The following DACH1 variants were observed in gnomAD, a reference collection of about 807,000 sequenced individuals.
DACH1 encodes the protein dachshund homolog 1.
A neutral mutation model predicts 54.2 loss-of-function variants in DACH1; 12 were observed. The observed-to-expected ratio is 0.22, with a 90% CI of 0.14 to 0.36. DACH1 has a LOEUF of 0.36. Among genes scored for constraint, DACH1 ranks in the 10% least tolerant of loss-of-function variants. The pLI is 1.00. For missense variants in DACH1, 805 were observed against 929.8 expected, an observed-to-expected ratio of 0.87 and a Z score of 1.75; for synonymous variants, 386 against 366.2, an observed-to-expected ratio of 1.05 and a Z score of -0.62.
intron 1 of DACH1, among the ~76,000 whole-genome samples, chr13:71,733,374 G>C (rs77483161): frequency 0.039 from 5,984 of 152,076 alleles, 281 homozygotes; most frequent in African/African-American, 0.11. Context: ...TAGAGATAAG[G>C]TCTCACTCTA....
chr13:71,779,954 A>G (rs1338026657), intron 1 of DACH1, among the ~76,000 whole-genome samples: 2 of 152,120 alleles, frequency 1.3e-5, no homozygotes, highest in African/African-American at 2.4e-5. Context: ...CCTCTTCTCT[A>G]TATTAGTGCC....
Position 71,866,669 on chromosome 13 carries a change from G to T in DACH1, c.101C>A (p.Ser34Tyr), listed in dbSNP as rs1188348886. 3 of 1,440,540 alleles carry T rather than the reference G, an allele frequency of 2.1e-6. No homozygotes were observed. The highest frequency in any genetic ancestry group is 2.8e-6 in the Non-Finnish European group (3 of 1,089,152). The allele number at this position is 1,440,540 out of a possible 1,614,324, so 89.2% of individuals were successfully genotyped here. Residue 34 changes from serine to tyrosine, a missense_variant, in exon 1 of 11, where the codon TCT becomes TAT. This residue lies in a region of DACH1 where 305 missense variants were observed against 308.7 expected (regional missense o/e 0.99). Coordinates refer to ENST00000613252, the MANE Select transcript of DACH1 (RefSeq NM_080759.6). Reference sequence around the variant, plus strand: ...AGGAGCCGGAGACGAAGTCGCCGAAGAGGTGGAGGTGGTGGTGCCAGAGGA... The same window carrying T: ...AGGAGCCGGAGACGAAGTCGCCGAATAGGTGGAGGTGGTGGTGCCAGAGGA... ...ASSSGTTTSTSSATSSPAPSI... is the reference protein window; with the variant it reads ...ASSSGTTTSTYSATSSPAPSI...
chr13:71,786,998 G>C (rs79736095), intron 1 of DACH1, among the ~76,000 whole-genome samples: 2 of 152,268 alleles, frequency 1.3e-5, no homozygotes, highest in East Asian at 3.9e-4. Flanking sequence ...GTGAGAGAGA[G>C]AAAATGCAAT....
chr13:71,502,172 C>T (rs1282983375), intron 6 of DACH1, among the ~76,000 whole-genome samples: 1 of 152,102 alleles, frequency 6.6e-6, no homozygotes, highest in African/African-American at 2.4e-5. Flanking sequence ...CACTCCTCCG[C>T]CTTAGGACTT....
Position 71,446,144 on chromosome 13 carries a change from C to G in DACH1, c.2084-5452G>C, listed in dbSNP as rs149092708. Among the ~76,000 whole-genome samples the G allele has an allele frequency of 5.4e-4, 82 of 152,280 alleles. 1 individual carries two copies. The highest frequency in any genetic ancestry group is 9.0e-4 in the Non-Finnish European group (61 of 68,028). On this transcript the variant is annotated intron_variant, in intron 10 of 10. Transcript: ENST00000613252. The stretch of plus-strand genomic sequence containing the variant: ...TCGGAGGTGTGCTGTTTACATCTGA[C>G]AACTCAGAGGGTTGATTCATACATT...
intron 1 of DACH1, among the ~76,000 whole-genome samples, chr13:71,726,694 C>T (rs963524328): frequency 2.0e-5 from 3 of 151,844 alleles, no homozygotes; most frequent in African/African-American, 4.8e-5. Context: ...ATCATCTTAT[C>T]TCATTAAGTA....
At chr13:71,703,755 CAAGTT>C (rs1313081145) in intron 1 of DACH1, among the ~76,000 whole-genome samples, 1 of 152,126 alleles carries the variant, frequency 6.6e-6, no homozygotes, top group Non-Finnish European at 1.5e-5. Flanking sequence ...TCTGCTCCTT[CAAGTT>C]AATTCTGCAT....
At chr13:71,746,459 G>A (rs1370686891) in intron 1 of DACH1, among the ~76,000 whole-genome samples, 1 of 152,062 alleles carries the variant, frequency 6.6e-6, no homozygotes, top group Non-Finnish European at 1.5e-5. Flanking sequence ...TTTTTTAAAT[G>A]TGGCACTAAA....
At chr13:71,508,641 A>G (rs1157258680) in intron 6 of DACH1, among the ~76,000 whole-genome samples, 1 of 151,042 alleles carries the variant, frequency 6.6e-6, no homozygotes. Flanking sequence ...TTTTTTTTTT[A>G]GTTTTTGTAG....
chr13:71,634,126 C>G (rs754271142), intron 2 of DACH1, among the ~76,000 whole-genome samples: 1 of 152,028 alleles, frequency 6.6e-6, no homozygotes, highest in Non-Finnish European at 1.5e-5. Context: ...GCACCCACCA[C>G]CATGCCTAGC....
intron 1 of DACH1, among the ~76,000 whole-genome samples, chr13:71,688,263 A>G (rs989699331): frequency 6.6e-6 from 1 of 152,226 alleles, no homozygotes; most frequent in Non-Finnish European, 1.5e-5. Context: ...ATGTATATCA[A>G]TATTTCGCCA....
At chr13:71,456,341 T>A (rs1472791020) in intron 10 of DACH1, among the ~76,000 whole-genome samples, 4 of 152,110 alleles carry the variant, frequency 2.6e-5, no homozygotes, top group Non-Finnish European at 5.9e-5. Flanking sequence ...CATGGTAACA[T>A]AGGCCACTAT....
chr13:71,789,191 T>C (rs1375287813), intron 1 of DACH1, among the ~76,000 whole-genome samples: 1 of 152,132 alleles, frequency 6.6e-6, no homozygotes, highest in South Asian at 2.1e-4. Context: ...TTGTAAAATG[T>C]ATGATTTTAC....
chr13:71,637,848 A>G (rs1566397296), intron 2 of DACH1, among the ~76,000 whole-genome samples: 1 of 152,178 alleles, frequency 6.6e-6, no homozygotes, highest in Non-Finnish European at 1.5e-5. Context: ...ACAATTGTAG[A>G]TTATAGATAT....
rs1482133100 is a variant in DACH1 at position 71,652,439 on chromosome 13, C to T, written c.965-21722G>A. 2.0e-5 allele frequency among the ~76,000 whole-genome samples: 3 copies of T among 152,094 alleles called. No individual in the cohort carries two copies. In the East Asian group the frequency reaches 5.8e-4, roughly 29 times the overall value. On this transcript the variant is annotated intron_variant, in intron 2 of 10. Transcript: ENST00000613252. ...TAGGCTTTCATAACCTGTCCCTCAC[C>T]TACCTTTCCACATATATCACTGACC...
At chr13:71,528,570 G>C (rs1239964440) in intron 6 of DACH1, among the ~76,000 whole-genome samples, 2 of 151,816 alleles carry the variant, frequency 1.3e-5, no homozygotes, top group Non-Finnish European at 2.9e-5. Context: ...TGGGACTACA[G>C]GCGCCTGCCA....
intron 3 of DACH1, among the ~76,000 whole-genome samples, chr13:71,616,741 T>C (rs990091071): frequency 1.3e-5 from 2 of 151,468 alleles, no homozygotes; most frequent in South Asian, 2.1e-4. Flanking sequence ...GTCTCTAAAA[T>C]GAACAAATGA....
chr13:71,836,611 T>A (rs1050606784), intron 1 of DACH1, among the ~76,000 whole-genome samples: 2 of 152,056 alleles, frequency 1.3e-5, no homozygotes, highest in Non-Finnish European at 2.9e-5. Flanking sequence ...TTCCCTCCTC[T>A]ACTAAGCTAG....
intron 1 of DACH1, among the ~76,000 whole-genome samples, chr13:71,718,457 G>A (rs1883082803): frequency 6.6e-6 from 1 of 151,396 alleles, no homozygotes; most frequent in Non-Finnish European, 1.5e-5. Flanking sequence ...GCATGGTGGT[G>A]CACCTATACT....
Sources: allele counts gnomAD v4.1 joint callset (sites outside exome capture counted in the v4.1 genomes callset), GRCh38; gene constraint gnomAD v4.1.1; regional missense constraint gnomAD v4.1.1; transcripts MANE v1.5; gene names NCBI Gene and HGNC (gene_info 2026-07-23, HGNC 2026-07-21).